Variants in ZNF493 observed in about 807,000 individuals in gnomAD.
The protein encoded by ZNF493 is zinc finger protein 493.
Under a neutral mutation model 12.2 loss-of-function variants are expected in ZNF493, and 11 were observed. That is an observed-to-expected ratio of 0.90 (90% CI 0.57 to 1.50). ZNF493 has a LOEUF of 1.50. ZNF493 is among the 40% of genes most tolerant of loss of function. ZNF493 has a pLI of 0.00. For synonymous variants in ZNF493, 286 were observed against 302.6 expected, an observed-to-expected ratio of 0.95 and a Z score of 0.57; for missense variants, 950 against 906.6, an observed-to-expected ratio of 1.05 and a Z score of -0.61.
chr19:21,421,051 A>G (rs1339033683), intron 3 of ZNF493, among the ~76,000 whole-genome samples: 1 of 152,016 alleles, frequency 6.6e-6, no homozygotes, highest in African/African-American at 2.4e-5. Flanking sequence ...CCCAGCCAAC[A>G]CATCACTTTT....
At chr19:21,410,162 C>T (rs8113558) in intron 3 of ZNF493, among the ~76,000 whole-genome samples, 31,645 of 149,904 alleles carry the variant, frequency 0.21, 3,442 homozygotes, top group Non-Finnish European at 0.24. Context: ...TTTGTGAATA[C>T]GGGTACAATA....
intron 2 of ZNF493, 65 bp from the exon 3 acceptor site, chr19:21,405,696 A>G (rs1481215399): frequency 1.7e-5 from 23 of 1,357,384 alleles, no homozygotes; most frequent in East Asian, 1.2e-4. Flanking sequence ...TTTACTAAGC[A>G]TGGTACTAGG....
chr19:21,424,378 C>G lies in ZNF493; in HGVS notation c.1719C>G (p.Tyr573Ter). 1.2e-6 allele frequency: 2 copies of G among 1,613,372 alleles called. No homozygotes were observed. The highest frequency in any genetic ancestry group is 1.7e-6 in the Non-Finnish European group (2 of 1,179,692). ...GAATTCATACTGGACACAAACCCTACAAATGTAAAGAATGTGGCAAATCCT... is the reference window on the plus strand; with the variant it reads ...GAATTCATACTGGACACAAACCCTAGAAATGTAAAGAATGTGGCAAATCCT... ...HKRIHTGHKPYKCKECGKSFS... is the reference protein window; with the variant it reads ...HKRIHTGHKP Residue 573 changes from tyrosine (Y) to a stop codon, truncating the protein, a stop_gained, in exon 4 of 4, where the codon TAC (tyrosine) becomes TAG (stop). Coordinates refer to ENST00000392288, the MANE Select transcript of ZNF493 (RefSeq NM_001076678.3). LOFTEE classifies it low-confidence loss of function (END_TRUNC).
Position 21,425,863 on chromosome 19 carries a change from G to C in ZNF493, c.*879G>C. The C allele has an allele frequency of 1.7e-6, 1 of 581,364 alleles. No individual in the cohort carries two copies. 36.0% of individuals were successfully genotyped at this position (581,364 alleles called of 1,614,324 possible). A position where few individuals can be genotyped will look rare whatever the true frequency, so the allele number is the denominator to read the frequency against. On this transcript the variant is annotated 3_prime_UTR_variant, in exon 4 of 4. Transcript: ENST00000392288. ...TGGAGAGAAACCATACAACTGTGAAGAATGTGGCAAAGCTTTTAACCAGTC... is the reference window on the plus strand; with the variant it reads ...TGGAGAGAAACCATACAACTGTGAACAATGTGGCAAAGCTTTTAACCAGTC...
Position 21,405,844 on chromosome 19 carries a change from G to T in ZNF493, c.241G>T (p.Val81Phe). 7.0e-7 allele frequency: 1 copy of T among 1,434,648 alleles called. No homozygotes were observed. Among genetic ancestry groups the T allele is most frequent in the Non-Finnish European group, 9.3e-7 (1 of 1,073,830 alleles). The allele number at this position is 1,434,648 out of a possible 1,614,324, so 88.9% of individuals were successfully genotyped here. ...PWNMKGHSTV[V>F]KPPVICSHFA... ...GAATATGAAGGGACACAGTACGGTA[G>T]TCAAACCCCCAGGTAGGTGAGAGTG... The change falls in exon 3 of 4, where the codon GTC becomes TTC. Residue 81 changes from valine (V) to phenylalanine (F), a missense_variant. Transcript: ENST00000392288.
rs375638999 is a variant in ZNF493 at position 21,424,913 on chromosome 19, C to A, written c.2254C>A (p.Arg752=). The A allele has an allele frequency of 1.2e-6, 2 of 1,611,936 alleles. No individual in the cohort carries two copies. Among genetic ancestry groups the A allele is most frequent in the East Asian group, 2.2e-5 (1 of 44,768 alleles). The change falls in exon 4 of 4, where the codon CGG becomes AGG. Residue 752 remains arginine, a synonymous_variant. Coordinates refer to ENST00000392288, the MANE Select transcript of ZNF493 (RefSeq NM_001076678.3). Reference sequence around the variant, plus strand: ...TGAAGCATGTGGCAAAGCTTTTAGGCGGTCTTCACATCTTAGTAGACATAA... The same window carrying A: ...TGAAGCATGTGGCAAAGCTTTTAGGAGGTCTTCACATCTTAGTAGACATAA... ...KCEACGKAFR[R]SSHLSRHKII...
Position 21,424,877 on chromosome 19 carries a change from C to T in ZNF493, c.2218C>T (p.Pro740Ser). The T allele has an allele frequency of 6.2e-7, 1 of 1,613,132 alleles. No homozygotes were observed. Among genetic ancestry groups the T allele is most frequent in the Non-Finnish European group, 8.5e-7 (1 of 1,179,588 alleles). Residue 740 changes from proline to serine, a missense_variant, in exon 4 of 4, where the codon CCC becomes TCC. Pro to Ser is a moderately conservative substitution (Grantham distance 74). Transcript: ENST00000392288. ...TAAGCTAATTCATACTGGAGACAAACCCTACAAATGTGAAGCATGTGGCAA... is the reference window on the plus strand; with the variant it reads ...TAAGCTAATTCATACTGGAGACAAATCCTACAAATGTGAAGCATGTGGCAA... ...KHKLIHTGDK[P>S]YKCEACGKAF... is the part of the protein sequence containing the mutation.
rs545561446 is a variant in ZNF493 at position 21,416,391 on chromosome 19, T to A, written c.254-6522T>A. Among the ~76,000 whole-genome samples, 3 of 152,294 alleles carry A rather than the reference T, an allele frequency of 2.0e-5. No homozygotes were observed. In the South Asian group the frequency reaches 6.2e-4, roughly 32 times the overall value. The stretch of plus-strand genomic sequence containing the variant: ...CCCATAAATTTATAGGTACAGAAGT[T>A]ATAATTGGTTGAATAGTCCCAGGTT... On this transcript the variant is annotated intron_variant, in intron 3 of 3. Coordinates refer to ENST00000392288, the MANE Select transcript of ZNF493 (RefSeq NM_001076678.3).
At chr19:21,418,425 G>A (rs2145299290) in intron 3 of ZNF493, among the ~76,000 whole-genome samples, 1 of 152,214 alleles carries the variant, frequency 6.6e-6, no homozygotes, top group East Asian at 1.9e-4. Context: ...CTCATCATGG[G>A]GATTGCTTTA....
At chr19:21,399,066 A>G (rs1045365244) in intron 1 of ZNF493, 1 of 152,594 alleles carries the variant, frequency 6.6e-6, no homozygotes, top group Non-Finnish European at 1.5e-5. Context: ...TGAGCACACA[A>G]GTGAGCAGGA....
rs1345716599 is a variant in ZNF493, at chr19:21,424,136, G to A, written c.1477G>A (p.Glu493Lys). ...HTEEKPYKCEECGKAFNQSST... is the reference protein window; with the variant it reads ...HTEEKPYKCEKCGKAFNQSST... Reference sequence around the variant, plus strand: ...TGAAGAGAAACCCTACAAATGTGAAGAATGTGGCAAAGCTTTTAACCAATC... The same window carrying A: ...TGAAGAGAAACCCTACAAATGTGAAAAATGTGGCAAAGCTTTTAACCAATC... Residue 493 changes from glutamate (E) to lysine (K), a missense_variant, in exon 4 of 4, where the codon GAA becomes AAA. By Grantham distance (56) the Glu-to-Lys change is moderately conservative. Coordinates refer to ENST00000392288, the MANE Select transcript of ZNF493 (RefSeq NM_001076678.3). The A allele has an allele frequency of 6.2e-7, 1 of 1,613,586 alleles. No homozygotes were observed. The highest frequency in any genetic ancestry group is 8.5e-7 in the Non-Finnish European group (1 of 1,179,774).
intron 3 of ZNF493, chr19:21,408,680 TA>T (rs2030218049): frequency 1.0e-6 from 1 of 985,172 alleles, no homozygotes; most frequent in Non-Finnish European, 1.2e-6. Context: ...GTAGGTATCT[TA>T]ATATCAGCTT....
At position 21,420,655 on chromosome 19, in the gene ZNF493, T is replaced by TTTTTTTTTTTTC. The variant is rs766934918; in HGVS notation, c.254-2258_254-2257insTTTTTTTTTTTC. 8.6e-5 allele frequency among the ~76,000 whole-genome samples: 4 copies of TTTTTTTTTTTTC among 46,514 alleles called. 1 individual carries two copies. The highest frequency in any genetic ancestry group is 1.5e-4 in the Non-Finnish European group (4 of 26,594). 30.5% of individuals were successfully genotyped at this position (46,514 alleles called of 152,430 possible). A position where few individuals can be genotyped will look rare whatever the true frequency, so the allele number is the denominator to read the frequency against. ...TTTTTTTTTTTTTTTTTTTTTTTTT[T>TTTTTTTTTTTTC]CAGAACTTTGACTATATCACACAAT... On this transcript the variant is annotated intron_variant, in intron 3 of 3. Coordinates refer to ENST00000392288, the MANE Select transcript of ZNF493 (RefSeq NM_001076678.3).
chr19:21,412,823 C>T (rs1378119794), intron 3 of ZNF493: 1 of 327,208 alleles, frequency 3.1e-6, no homozygotes, highest in African/African-American at 2.3e-5. Flanking sequence ...GAGTGTCTTT[C>T]TAGATGCTTT....
intron 3 of ZNF493, among the ~76,000 whole-genome samples, chr19:21,420,022 C>T (rs1262433986): frequency 1.3e-5 from 2 of 152,172 alleles, no homozygotes; most frequent in African/African-American, 2.4e-5. Flanking sequence ...GAATTATGCC[C>T]ACAATAGCTT....
chr19:21,409,178 C>G (rs192327938), intron 3 of ZNF493, among the ~76,000 whole-genome samples: 1 of 151,932 alleles, frequency 6.6e-6, no homozygotes, highest in African/African-American at 2.4e-5. Context: ...GCCACTGCAC[C>G]CTGCCTCTTG....
At chr19:21,420,575 T>C (rs1367647739) in intron 3 of ZNF493, among the ~76,000 whole-genome samples, 4 of 124,310 alleles carry the variant, frequency 3.2e-5, no homozygotes, top group African/African-American at 1.2e-4. Context: ...TTTGTGATGG[T>C]ATTATACTCA....
intron 3 of ZNF493, 51 bp downstream of exon 3, chr19:21,405,907 T>TAAA (rs386388731): frequency 0.3 from 54,083 of 178,090 alleles, 10,302 homozygotes; most frequent in African/African-American, 0.41. Flanking sequence ...TTGAAAGATT[T>TAAA]AAAAAAAAAA....
rs757428180 is a variant in ZNF493 at position 21,423,762 on chromosome 19, A to T, written c.1103A>T (p.Lys368Ile). 3.1e-6 allele frequency: 5 copies of T among 1,613,294 alleles called. No homozygotes were observed. The highest frequency in any genetic ancestry group is 3.4e-6 in the Non-Finnish European group (4 of 1,179,412). The change falls in exon 4 of 4, where the codon AAA becomes ATA. Residue 368 changes from lysine (K) to isoleucine (I), a missense_variant. Lys to Ile is a moderately radical substitution (Grantham distance 102). Coordinates refer to ENST00000392288, the MANE Select transcript of ZNF493 (RefSeq NM_001076678.3). ...YKESSHLTTH[K>I]RIHTGEKPYK... ...GAGTCCTCACACCTTACTACACATA[A>T]AAGAATTCATACTGGAGAGAAACCC...
Sources: gnomAD v4.1 joint callset for allele counts (sites outside exome capture counted in the v4.1 genomes callset) on GRCh38, gnomAD v4.1.1 for gene constraint, MANE v1.5 for transcripts, NCBI Gene and HGNC (gene_info 2026-07-23, HGNC 2026-07-21) for gene names.